The following PFKP variants were observed in gnomAD, a reference collection of about 807,000 sequenced individuals.
PFKP encodes the protein phosphofructokinase, platelet, also known as ATP-dependent 6-phosphofructokinase, platelet type.
PFKP carries 101 observed loss-of-function variants against 94.3 expected under a neutral mutation model. That is an observed-to-expected ratio of 1.07 (90% confidence interval 0.91 to 1.26). The LOEUF is 1.26. Ranked by LOEUF, PFKP falls within the 50% of genes most tolerant of loss-of-function variation. The pLI is 0.00. For missense variants in PFKP, 1,145 were observed against 1,103.3 expected, an observed-to-expected ratio of 1.04 and a Z score of -0.53; for synonymous variants, 573 against 432.6, an observed-to-expected ratio of 1.32 and a Z score of -4.03.
At chr10:3,073,268 T>C (rs1832334776) in intron 1 of PFKP, among the ~76,000 whole-genome samples, 1 of 151,908 alleles carries the variant, frequency 6.6e-6, no homozygotes, top group Admixed American at 6.6e-5. Flanking sequence ...ACTCAGTCTC[T>C]GTCTCCTCTC....
At chr10:3,101,094 TC>T in intron 3 of PFKP, 1 of 1,006,068 alleles carries the variant, frequency 9.9e-7, no homozygotes, top group Non-Finnish European at 1.6e-6. Context: ...TGGTTCCTGC[TC>T]CATGTATTTA....
At chr10:3,078,115 C>G (rs1043910555) in intron 1 of PFKP, among the ~76,000 whole-genome samples, 1 of 152,342 alleles carries the variant, frequency 6.6e-6, no homozygotes, top group African/African-American at 2.4e-5. Flanking sequence ...GAGTGAAAGA[C>G]TCTGAAACTG....
intron 15 of PFKP, 119 bp from the exon 16 acceptor site, chr10:3,119,773 T>TCG: frequency 1.6e-6 from 1 of 638,344 alleles, no homozygotes; most frequent in South Asian, 2.2e-5. Context: ...AGTGTTTTCG[T>TCG]GATGCCCCAG....
intron 1 of PFKP, chr10:3,069,216 A>C: frequency 7.6e-7 from 1 of 1,312,590 alleles, no homozygotes; most frequent in Non-Finnish European, 9.8e-7. Context: ...GCCCCCGGGA[A>C]GTGCTCTGGC....
chr10:3,082,411 G>A lies in PFKP; in HGVS notation c.136G>A (p.Val46Met), dbSNP rs146608153. Reference sequence around the variant, plus strand: ...AGGTATGAACGCTGCCGTCCGTGCCGTGGTGCGCATGGGTATCTACGTGGG... The same window carrying A: ...AGGTATGAACGCTGCCGTCCGTGCCATGGTGCGCATGGGTATCTACGTGGG... Reference protein sequence around the residue: ...AQGMNAAVRAVVRMGIYVGAK... With the variant: ...AQGMNAAVRAMVRMGIYVGAK... The change falls in exon 2 of 22, where the codon GTG (valine) becomes ATG (methionine). Residue 46 changes from valine to methionine, a missense_variant. Coordinates refer to ENST00000381125, the MANE Select transcript of PFKP (RefSeq NM_002627.5). 1.6e-5 allele frequency: 25 copies of A among 1,606,854 alleles called. No individual in the cohort carries two copies. Among genetic ancestry groups the A allele is most frequent in the Admixed American group, 8.4e-5 (5 of 59,636 alleles).
intron 13 of PFKP, among the ~76,000 whole-genome samples, chr10:3,115,219 A>G (rs184169724): frequency 6.8e-6 from 1 of 146,658 alleles, no homozygotes; most frequent in Non-Finnish European, 1.5e-5. Flanking sequence ...GGCCAGGGTG[A>G]AAGTGTGTGT....
chr10:3,082,349 C>T lies in PFKP; in HGVS notation c.113-39C>T, dbSNP rs375659623. The T allele has an allele frequency of 1.5e-4, 223 of 1,529,258 alleles. 1 individual carries two copies. The highest frequency in any genetic ancestry group is 1.8e-4 in the Non-Finnish European group (204 of 1,115,268). The allele number at this position is 1,529,258 out of a possible 1,614,324, so 94.7% of individuals were successfully genotyped here. A position where few individuals can be genotyped will look rare whatever the true frequency, so the allele number is the denominator to read the frequency against. Reference sequence around the variant, plus strand: ...GTTAGTGGCAGAGCCAGAATTACCCCGGGCTCTTCAGTGACTCTTGCTCCT... The same window carrying T: ...GTTAGTGGCAGAGCCAGAATTACCCTGGGCTCTTCAGTGACTCTTGCTCCT... On this transcript the variant is annotated intron_variant, in intron 1 of 21. Transcript: ENST00000381125.
intron 1 of PFKP, among the ~76,000 whole-genome samples, chr10:3,071,656 T>G (rs529874931): frequency 8.2e-4 from 125 of 152,172 alleles, no homozygotes; most frequent in Non-Finnish European, 1.1e-3. Context: ...CTGAAGGTCC[T>G]GGTGCCTGGT....
chr10:3,130,052 G>C, intron 17 of PFKP, 69 bp downstream of exon 17: 5 of 1,403,116 alleles, frequency 3.6e-6, no homozygotes, highest in South Asian at 1.4e-5. Context: ...GTGAATCATC[G>C]TGTCTAGGGT....
At chr10:3,082,870 C>T (rs1266050518) in intron 2 of PFKP, among the ~76,000 whole-genome samples, 1 of 152,150 alleles carries the variant, frequency 6.6e-6, no homozygotes, top group East Asian at 1.9e-4. Flanking sequence ...CACCACCACA[C>T]CCAGCTAATT....
At chr10:3,125,508 C>T (rs546421156) in intron 16 of PFKP, among the ~76,000 whole-genome samples, 26 of 152,250 alleles carry the variant, frequency 1.7e-4, no homozygotes, top group Middle Eastern at 3.4e-3. Flanking sequence ...CTAGGGGAGC[C>T]GCAGGTACCA....
chr10:3,135,291 A>C (rs1195165583), intron 20 of PFKP, among the ~76,000 whole-genome samples: 5 of 152,186 alleles, frequency 3.3e-5, no homozygotes, highest in Non-Finnish European at 7.4e-5. Context: ...ATGACAGTCT[A>C]TAAAAACCAG....
intron 1 of PFKP, among the ~76,000 whole-genome samples, chr10:3,076,266 G>A (rs989868829): frequency 6.6e-6 from 1 of 152,134 alleles, no homozygotes; most frequent in African/African-American, 2.4e-5. Flanking sequence ...TGTGCTGCCT[G>A]TATTTAGAAG....
At position 3,116,790 on chromosome 10, in the gene PFKP, C is replaced by G. The variant is rs758546556; in HGVS notation, c.1386C>G (p.Gly462=). Residue 462 remains glycine (G), a synonymous_variant, in exon 14 of 22, where the codon GGC becomes GGG. Transcript: ENST00000381125. ...GFAKGQIKEI[G]WTDVGGWTGQ... ...TTGCACATTAGATCAAAGAAATCGG[C>G]TGGACAGATGTCGGGGGCTGGACCG... is the stretch of plus-strand genomic sequence containing the variant. The G allele has an allele frequency of 6.2e-7, 1 of 1,613,644 alleles. No homozygotes were observed. The highest frequency in any genetic ancestry group is 1.1e-5 in the South Asian group (1 of 91,078).
chr10:3,100,149 C>T lies in PFKP; in HGVS notation c.264+797C>T, dbSNP rs530653529. On this transcript the variant is annotated intron_variant, in intron 3 of 21. Transcript: ENST00000381125. ...CTCTGCAGCCCAGTTATCCTGGTTT[C>T]GTTCCTGAGTTGCGGCCACCTCGTC... Among the ~76,000 whole-genome samples, 10 of 151,724 alleles carry T rather than the reference C, an allele frequency of 6.6e-5. No homozygotes were observed. The South Asian group carries it at 1.0e-3, about 16-fold the overall frequency.
At chr10:3,084,728 CCCCTCCCCAGGAG>C (rs1833362946) in intron 2 of PFKP, among the ~76,000 whole-genome samples, 4 of 129,910 alleles carry the variant, frequency 3.1e-5, no homozygotes, top group Admixed American at 7.5e-5. Flanking sequence ...AGTCCTCCAG[CCCCTCCCCAGGAG>C]AGTCCTCCAG....
intron 16 of PFKP, among the ~76,000 whole-genome samples, chr10:3,121,010 A>G (rs1588533311): frequency 6.6e-6 from 1 of 152,310 alleles, no homozygotes; most frequent in East Asian, 1.9e-4. Flanking sequence ...TTTTTCAAAG[A>G]TATTTTTTCT....
chr10:3,080,295 A>G (rs1003418830), intron 1 of PFKP, among the ~76,000 whole-genome samples: 4 of 152,144 alleles, frequency 2.6e-5, no homozygotes, highest in Admixed American at 6.6e-5. Context: ...AGGCGGATGG[A>G]TCACAAGGTC....
At chr10:3,126,994 TCCAC>T (rs1255005674) in intron 16 of PFKP, among the ~76,000 whole-genome samples, 2 of 152,228 alleles carry the variant, frequency 1.3e-5, no homozygotes, top group African/African-American at 4.8e-5. Flanking sequence ...CTGCCATCCT[TCCAC>T]CCACTCGGAG....
Sources: allele counts gnomAD v4.1 joint callset (sites outside exome capture counted in the v4.1 genomes callset), GRCh38; gene constraint gnomAD v4.1.1; transcripts MANE v1.5; gene names NCBI Gene and HGNC (gene_info 2026-07-23, HGNC 2026-07-21).